DISP2: variants seen among roughly 807,000 people sequenced by gnomAD.
DISP2 encodes the protein protein dispatched homolog 2.
DISP2 carries 59 observed loss-of-function variants against 95.5 expected under a neutral mutation model. That is an observed-to-expected ratio of 0.62 (90% CI 0.50 to 0.77). The LOEUF (loss-of-function observed/expected upper bound fraction) is 0.77. DISP2 is among the 30% of genes least tolerant of loss of function. The pLI is 0.00. For synonymous variants in DISP2, 827 were observed against 815.0 expected, an observed-to-expected ratio of 1.01 and a Z score of -0.25; for missense variants, 1,752 against 1,854.6, an observed-to-expected ratio of 0.94 and a Z score of 1.02.
At position 40,368,370 on chromosome 15, in the gene DISP2, A is replaced by G; in HGVS notation, c.2258A>G (p.Tyr753Cys). The change falls in exon 8 of 8, where the codon TAT becomes TGT. Residue 753 changes from tyrosine (Y) to cysteine (C), a missense_variant. By Grantham distance (194) the Tyr-to-Cys change is radical. Around this residue, in one of 5 missense-constraint regions of DISP2, gnomAD observed 732 missense variants for 714.6 expected, o/e 1.02. Transcript: ENST00000267889. The part of the protein sequence containing the change: ...SHPFERFDAE[Y>C]RQLFLFEQLP... Reference sequence around the variant, plus strand: ...CCCTTCGAGCGCTTCGACGCGGAGTATCGCCAGCTGTTCCTGTTCGAGCAG... The same window carrying G: ...CCCTTCGAGCGCTTCGACGCGGAGTGTCGCCAGCTGTTCCTGTTCGAGCAG... 6.2e-7 allele frequency: 1 copy of G among 1,606,836 alleles called. No homozygotes were observed. Among genetic ancestry groups the G allele is most frequent in the East Asian group, 2.2e-5 (1 of 44,844 alleles).
At chr15:40,362,677 A>G (rs1889423816) in intron 1 of DISP2, among the ~76,000 whole-genome samples, 2 of 152,230 alleles carry the variant, frequency 1.3e-5, no homozygotes, top group Non-Finnish European at 2.9e-5. Context: ...GTGGGTGACT[A>G]TTTTAGAGAG....
intron 1 of DISP2, among the ~76,000 whole-genome samples, chr15:40,360,341 C>A (rs146897160): frequency 2.6e-5 from 4 of 152,294 alleles, no homozygotes; most frequent in Non-Finnish European, 5.9e-5. Flanking sequence ...CAGGAGGTGA[C>A]AAGAGAAAGC....
Position 40,367,919 on chromosome 15 carries a change from G to C in DISP2, c.1807G>C (p.Ala603Pro). The C allele has an allele frequency of 6.3e-7, 1 of 1,595,328 alleles. No individual in the cohort carries two copies. The change falls in exon 8 of 8, where the codon GCC becomes CCC. Residue 603 changes from alanine (A) to proline (P), a missense_variant. This residue lies in a region of DISP2 where 732 missense variants were observed against 714.6 expected (regional missense o/e 1.02). Coordinates refer to ENST00000267889, the MANE Select transcript of DISP2 (RefSeq NM_033510.3). ...GGTCTCCGGCCTCACCACGAGCGCGGCCTTCTATGCCAGCTACCTGAGCCG... is the reference window on the plus strand; with the variant it reads ...GGTCTCCGGCCTCACCACGAGCGCGCCCTTCTATGCCAGCTACCTGAGCCG... ...LLVSGLTTSA[A>P]FYASYLSRLP...
In DISP2 at chr15:40,374,274, A is replaced by G. The variant is rs1161980879; in HGVS notation, c.*3956A>G. On this transcript the variant is annotated 3_prime_UTR_variant, in exon 8 of 8. Coordinates refer to ENST00000267889, the MANE Select transcript of DISP2 (RefSeq NM_033510.3). ...GCCCAGGCTGGAGTGCAGTGGCACA[A>G]TTTCGGCTCACTGCACTAATTTTTT... The G allele has an allele frequency of 1.4e-5, 2 of 146,836 alleles. No individual in the cohort carries two copies. Among genetic ancestry groups the G allele is most frequent in the African/African-American group, 5.0e-5 (2 of 39,912 alleles). 9.1% of individuals were successfully genotyped at this position (146,836 alleles called of 1,614,324 possible).
Position 40,372,670 on chromosome 15 carries a change from A to G in DISP2, c.*2352A>G, listed in dbSNP as rs993542116. 9.9e-5 allele frequency: 15 copies of G among 152,190 alleles called. No individual in the cohort carries two copies. Among genetic ancestry groups the G allele is most frequent in the African/African-American group, 3.6e-4 (15 of 41,432 alleles). 9.4% of individuals were successfully genotyped at this position (152,190 alleles called of 1,614,324 possible). On this transcript the variant is annotated 3_prime_UTR_variant, in exon 8 of 8. Transcript: ENST00000267889. The stretch of plus-strand genomic sequence containing the variant: ...CTGCTCATCAGCCCTGGTTTCTCTG[A>G]TAATGGTGTCCCTCTGTCATCATGC...
In DISP2 at chr15:40,370,107, A is replaced by C; in HGVS notation, c.3995A>C (p.Gln1332Pro). 1 of 1,609,976 alleles carries C rather than the reference A, an allele frequency of 6.2e-7. No homozygotes were observed. ...DTGQPVLERG[Q>P]LNGKRDTLWL... The stretch of plus-strand genomic sequence containing the variant: ...GGGCAGCCAGTCCTTGAGCGAGGCC[A>C]GCTCAATGGGAAGCGGGACACCCTG... The change falls in exon 8 of 8, where the codon CAG (glutamine) becomes CCG (proline). Residue 1332 changes from glutamine (Q) to proline (P), a missense_variant. Gln to Pro is a moderately conservative substitution (Grantham distance 76, BLOSUM62 -1). Transcript: ENST00000267889.
chr15:40,367,061 C>G lies in DISP2; in HGVS notation c.949C>G (p.Arg317Gly), dbSNP rs368084105. ...CCCTCCTGCGTGTGCCCTACAGATCCGCTCCCATACCAGCTTCGGGGCTCT... is the reference window on the plus strand; with the variant it reads ...CCCTCCTGCGTGTGCCCTACAGATCGGCTCCCATACCAGCTTCGGGGCTCT... ...SMCRMEQDQI[R>G]SHTSFGALCQ... The change falls in exon 8 of 8, where the codon CGC becomes GGC. Residue 317 changes from arginine to glycine, a missense_variant. Arg to Gly is a moderately radical substitution (Grantham distance 125, BLOSUM62 -2). Around this residue, in one of 5 missense-constraint regions of DISP2, gnomAD observed 732 missense variants for 714.6 expected, o/e 1.02. Transcript: ENST00000267889. 5.0e-6 allele frequency: 8 copies of G among 1,608,542 alleles called. No homozygotes were observed. Among genetic ancestry groups the G allele is most frequent in the Non-Finnish European group, 6.8e-6 (8 of 1,179,958 alleles).
rs1889673585 is a variant in DISP2, at chr15:40,373,128, T to C, written c.*2810T>C. 1 of 152,216 alleles carries C rather than the reference T, an allele frequency of 6.6e-6. No homozygotes were observed. Among genetic ancestry groups the C allele is most frequent in the Non-Finnish European group, 1.5e-5 (1 of 68,048 alleles). 9.4% of individuals were successfully genotyped at this position (152,216 alleles called of 1,614,324 possible). ...AATGTGGAACTTAAAGCACTTCCTATTTCCTTTGAGTTGCAGCAGATCCTT... is the reference window on the plus strand; with the variant it reads ...AATGTGGAACTTAAAGCACTTCCTACTTCCTTTGAGTTGCAGCAGATCCTT... On this transcript the variant is annotated 3_prime_UTR_variant, in exon 8 of 8. Transcript: ENST00000267889.
rs1363878785 is a variant in DISP2, at chr15:40,367,743, A to G, written c.1631A>G (p.Asn544Ser). The G allele has an allele frequency of 3.7e-6, 6 of 1,612,348 alleles. No homozygotes were observed. The highest frequency in any genetic ancestry group is 1.3e-5 in the African/African-American group (1 of 74,860). ...AFRMAYFPFV[N>S]LAALLLLSSV... ...CGCATGGCCTACTTCCCCTTCGTCAATCTGGCAGCCCTCCTCCTGCTGAGC... is the reference window on the plus strand; with the variant it reads ...CGCATGGCCTACTTCCCCTTCGTCAGTCTGGCAGCCCTCCTCCTGCTGAGC... Residue 544 changes from asparagine to serine, a missense_variant, in exon 8 of 8, where the codon AAT (asparagine) becomes AGT (serine). Asn to Ser is a conservative substitution (Grantham distance 46, BLOSUM62 1). Around this residue, in one of 5 missense-constraint regions of DISP2, gnomAD observed 732 missense variants for 714.6 expected, o/e 1.02. Transcript: ENST00000267889.
At chr15:40,365,520 T>C (rs1245565198) in intron 6 of DISP2, 108 bp from the exon 7 acceptor site, 7 of 1,366,130 alleles carry the variant, frequency 5.1e-6, no homozygotes, top group Non-Finnish European at 6.2e-6. Context: ...AGGCTTGAGA[T>C]GCCTGAGAAT....
In DISP2 at chr15:40,370,047, C is replaced by T. The variant is rs761122882; in HGVS notation, c.3935C>T (p.Ser1312Phe). The change falls in exon 8 of 8, where the codon TCC (serine) becomes TTC (phenylalanine). Residue 1312 changes from serine to phenylalanine, a missense_variant. This residue lies in a region of DISP2 where 347 missense variants were observed against 344.2 expected (regional missense o/e 1.01). Transcript: ENST00000267889. ...TSEPSARVPD[S>F]VGVSPDDLDD... ...GAGCCCAGTGCCCGTGTACCAGATT[C>T]CGTGGGTGTGTCCCCAGATGACCTG... is the stretch of plus-strand genomic sequence containing the variant. 2 of 1,614,120 alleles carry T rather than the reference C, an allele frequency of 1.2e-6. No individual in the cohort carries two copies. Among genetic ancestry groups the T allele is most frequent in the East Asian group, 4.5e-5 (2 of 44,886 alleles).
chr15:40,368,350 C>A lies in DISP2; in HGVS notation c.2238C>A (p.Phe746Leu), dbSNP rs764708388. The stretch of plus-strand genomic sequence containing the variant: ...AGGTCTTCCGGCCCAGCCACCCCTT[C>A]GAGCGCTTCGACGCGGAGTATCGCC... Reference protein sequence around the residue: ...GGQVFRPSHPFERFDAEYRQL... With the variant: ...GGQVFRPSHPLERFDAEYRQL... Residue 746 changes from phenylalanine to leucine, a missense_variant, in exon 8 of 8, where the codon TTC becomes TTA. Phe to Leu is a conservative substitution (Grantham distance 22). Coordinates refer to ENST00000267889, the MANE Select transcript of DISP2 (RefSeq NM_033510.3). 6.2e-7 allele frequency: 1 copy of A among 1,605,466 alleles called. No homozygotes were observed. The highest frequency in any genetic ancestry group is 8.5e-7 in the Non-Finnish European group (1 of 1,178,614).
intron 2 of DISP2, 109 bp from the exon 3 acceptor site, chr15:40,364,117 A>G: frequency 6.4e-7 from 1 of 1,552,902 alleles, no homozygotes; most frequent in East Asian, 2.2e-5. Context: ...AAAAGGGTTA[A>G]TACCATGGGT....
At position 40,368,417 on chromosome 15, in the gene DISP2, C is replaced by T. The variant is rs1889556331; in HGVS notation, c.2305C>T (p.His769Tyr). Residue 769 changes from histidine (H) to tyrosine (Y), a missense_variant, in exon 8 of 8, where the codon CAC (histidine) becomes TAC (tyrosine). Physicochemically the swap from His to Tyr is moderately conservative, Grantham distance 83 (BLOSUM62 2). Around this residue, in one of 5 missense-constraint regions of DISP2, gnomAD observed 732 missense variants for 714.6 expected, o/e 1.02. Transcript: ENST00000267889. ...FEQLPQGEGG[H>Y]MPVVLVWGVL... ...GCAGCTGCCGCAGGGCGAGGGCGGC[C>T]ACATGCCCGTGGTTTTGGTGTGGGG... 1.9e-6 allele frequency: 3 copies of T among 1,609,026 alleles called. No homozygotes were observed. The highest frequency in any genetic ancestry group is 2.7e-5 in the African/African-American group (2 of 74,936).
At chr15:40,365,376 G>A (rs1889481025) in intron 6 of DISP2, 102 bp downstream of exon 6, 1 of 1,515,876 alleles carries the variant, frequency 6.6e-7, no homozygotes, top group Non-Finnish European at 8.8e-7. Context: ...GAAAGGGAAG[G>A]TGGCCAGCTG....
At chr15:40,363,265 T>G (rs1889434969) in intron 1 of DISP2, among the ~76,000 whole-genome samples, 1 of 143,294 alleles carries the variant, frequency 7.0e-6, no homozygotes, top group South Asian at 2.2e-4. Context: ...TGAACTGAGA[T>G]AGCGCCACTG....
intron 7 of DISP2, among the ~76,000 whole-genome samples, chr15:40,366,631 G>A (rs753455422): frequency 6.6e-6 from 1 of 152,254 alleles, no homozygotes; most frequent in Non-Finnish European, 1.5e-5. Context: ...TTTAAGCGGT[G>A]CAGTGGACAG....
chr15:40,368,847 G>A lies in DISP2; in HGVS notation c.2735G>A (p.Arg912Gln), dbSNP rs539377206. 119 of 1,614,010 alleles carry A rather than the reference G, an allele frequency of 7.4e-5. 1 individual carries two copies. The South Asian group carries it at 9.4e-4, about 13-fold the overall frequency. ...ALVLQFQTNF[R>Q]NSPDYNQTQL... ...GTCCTACAATTCCAGACCAACTTCC[G>A]GAACAGTCCGGACTACAACCAGACC... The change falls in exon 8 of 8, where the codon CGG becomes CAG. Residue 912 changes from arginine (R) to glutamine (Q), a missense_variant. Transcript: ENST00000267889.
rs2141263887 is a variant in DISP2, at chr15:40,369,734, C to T, written c.3622C>T (p.Pro1208Ser). ...LHDGPCCSRP[P>S]PAPASPRELL... Reference sequence around the variant, plus strand: ...TGATGGTCCGTGCTGTTCCCGGCCCCCACCAGCCCCTGCCTCCCCAAGGGA... The same window carrying T: ...TGATGGTCCGTGCTGTTCCCGGCCCTCACCAGCCCCTGCCTCCCCAAGGGA... The change falls in exon 8 of 8, where the codon CCA becomes TCA. Residue 1208 changes from proline (P) to serine (S), a missense_variant. By Grantham distance (74) the Pro-to-Ser change is moderately conservative (BLOSUM62 -1). Around this residue, in one of 5 missense-constraint regions of DISP2, gnomAD observed 347 missense variants for 344.2 expected, o/e 1.01. Transcript: ENST00000267889. 6.2e-7 allele frequency: 1 copy of T among 1,609,950 alleles called. No individual in the cohort carries two copies. Among genetic ancestry groups the T allele is most frequent in the East Asian group, 2.2e-5 (1 of 44,856 alleles).
Sources: allele counts gnomAD v4.1 joint callset (sites outside exome capture counted in the v4.1 genomes callset), GRCh38; gene constraint gnomAD v4.1.1; regional missense constraint gnomAD v4.1.1; transcripts MANE v1.5; gene names NCBI Gene and HGNC (gene_info 2026-07-23, HGNC 2026-07-21).